Variants in ATP23 observed in about 807,000 individuals in gnomAD.
The protein encoded by ATP23 is ATP23 metallopeptidase and ATP synthase assembly factor homolog, also known as mitochondrial inner membrane protease ATP23 homolog.
Under a neutral mutation model 28.5 loss-of-function variants are expected in ATP23, and 24 were observed. That is an observed-to-expected ratio of 0.84 (90% CI 0.61 to 1.18). The LOEUF (loss-of-function observed/expected upper bound fraction) is 1.18. Ranked by LOEUF, ATP23 falls within the 50% of genes most tolerant of loss-of-function variation. The pLI is 0.00. For synonymous variants in ATP23, 99 were observed against 108.6 expected (o/e 0.91, Z 0.55); for missense variants, 274 against 306.4 (o/e 0.89, Z 0.79).
chr12:57,948,642 A>T (rs1411986376), intron 3 of ATP23, among the ~76,000 whole-genome samples: 1 of 152,180 alleles, frequency 6.6e-6, no homozygotes, highest in East Asian at 1.9e-4. Context: ...AGAGTAAAAC[A>T]TCTATATGTA....
chr12:57,953,558 T>C (rs915115003), intron 4 of ATP23, 48 bp from the exon 5 acceptor site: 41 of 1,503,176 alleles, frequency 2.7e-5, no homozygotes, highest in African/African-American at 4.2e-5. Context: ...CATAAAGATA[T>C]ATAGAGCATG....
At chr12:57,948,501 T>TGA (rs1956783653) in intron 3 of ATP23, among the ~76,000 whole-genome samples, 1 of 152,196 alleles carries the variant, frequency 6.6e-6, no homozygotes. Context: ...CAGGCTGGTC[T>TGA]TGAACCCCTG....
Position 57,951,853 on chromosome 12 carries a change from T to C in ATP23, c.411T>C (p.His137=). Residue 137 remains histidine, a synonymous_variant, in exon 4 of 6, where the codon CAT becomes CAC. Transcript: ENST00000300145. ...LIHAFDHCRA[H]VDWFTNIRHL... ...ATGCATTTGATCATTGTCGTGCCCA[T>C]GTCGACTGGTTCACCAACATCAGAC... The C allele has an allele frequency of 6.2e-7, 1 of 1,614,214 alleles. No homozygotes were observed.
In ATP23 at chr12:57,942,787, A is replaced by G. The variant is rs186318317; in HGVS notation, c.187+899A>G. Among the ~76,000 whole-genome samples the G allele has an allele frequency of 4.5e-3, 681 of 152,198 alleles. 40 individuals carry two copies. In the South Asian group the frequency reaches 0.12, roughly 27 times the overall value. On this transcript the variant is annotated intron_variant, in intron 1 of 5. Transcript: ENST00000300145. ...GCTTCATCATATTCTCAAAGAGGCC[A>G]ACGACCCCACAAAGGTTAAGAACTG...
intron 4 of ATP23, 51 bp downstream of exon 4, chr12:57,951,946 T>C: frequency 6.3e-7 from 1 of 1,597,438 alleles, no homozygotes; most frequent in Non-Finnish European, 8.6e-7. Flanking sequence ...GAATATTTTA[T>C]TCAAGTGTAA....
chr12:57,954,715 G>T (rs113864587), intron 5 of ATP23, among the ~76,000 whole-genome samples: 1,711 of 152,304 alleles, frequency 0.011, 38 homozygotes, highest in African/African-American at 0.039. Context: ...GAGTCAGTTT[G>T]TGAAGTATAT....
intron 2 of ATP23, among the ~76,000 whole-genome samples, chr12:57,946,484 G>A (rs1346463465): frequency 1.8e-5 from 1 of 54,550 alleles, no homozygotes; most frequent in African/African-American, 7.0e-5. Flanking sequence ...ACGTAGTTTT[G>A]CTCTTTTTTT....
chr12:57,954,500 G>T (rs1956846917), intron 5 of ATP23, among the ~76,000 whole-genome samples: 1 of 152,174 alleles, frequency 6.6e-6, no homozygotes, highest in South Asian at 2.1e-4. Flanking sequence ...AGGGATTTGT[G>T]TGAACAAAAC....
intron 5 of ATP23, among the ~76,000 whole-genome samples, chr12:57,955,562 CAG>C (rs1956858818): frequency 6.6e-6 from 1 of 152,254 alleles, no homozygotes; most frequent in African/African-American, 2.4e-5. Flanking sequence ...TTTATTTTAA[CAG>C]AAATTTATTA....
intron 3 of ATP23, among the ~76,000 whole-genome samples, chr12:57,950,356 C>T (rs1033196838): frequency 2.0e-5 from 3 of 152,078 alleles, no homozygotes; most frequent in Non-Finnish European, 1.5e-5. Context: ...CATTTTCTTC[C>T]GTCAACCCTC....
chr12:57,946,157 C>T (rs1451259329), intron 2 of ATP23, among the ~76,000 whole-genome samples: 3 of 152,122 alleles, frequency 2.0e-5, no homozygotes, highest in Non-Finnish European at 2.9e-5. Flanking sequence ...TGAGCCACTG[C>T]GCCAGCCCAG....
chr12:57,952,090 A>G (rs1956821866), intron 4 of ATP23, among the ~76,000 whole-genome samples, 195 bp downstream of exon 4: 1 of 152,186 alleles, frequency 6.6e-6, no homozygotes, highest in East Asian at 1.9e-4. Flanking sequence ...AATTCTCTTA[A>G]CTATATCCTG....
chr12:57,951,768 G>A lies in ATP23; in HGVS notation c.326G>A (p.Cys109Tyr), dbSNP rs1565876420. The change falls in exon 4 of 6, where the codon TGC becomes TAC. Residue 109 changes from cysteine to tyrosine, a missense_variant. Coordinates refer to ENST00000300145, the MANE Select transcript of ATP23 (RefSeq NM_033276.4). ...TTTGGTGTCTCCTAGATAGTTTTGTGCCAGAATAATATCCATAATCAGGCC... is the reference window on the plus strand; with the variant it reads ...TTTGGTGTCTCCTAGATAGTTTTGTACCAGAATAATATCCATAATCAGGCC... ...FDASTSQIVL[C>Y]QNNIHNQAHM... The A allele has an allele frequency of 3.1e-6, 5 of 1,613,830 alleles. No individual in the cohort carries two copies. Among genetic ancestry groups the A allele is most frequent in the Non-Finnish European group, 3.4e-6 (4 of 1,179,924 alleles).
chr12:57,942,501 G>T (rs1382929018), intron 1 of ATP23, among the ~76,000 whole-genome samples: 1 of 150,646 alleles, frequency 6.6e-6, no homozygotes, highest in East Asian at 2.0e-4. Flanking sequence ...TTTGCTCACT[G>T]CAAGCTCCGC....
rs768818241 is a variant in ATP23, at chr12:57,956,740, C to T, written c.591C>T (p.Ser197=). Residue 197 remains serine, a synonymous_variant, in exon 6 of 6, where the codon AGC becomes AGT. Coordinates refer to ENST00000300145, the MANE Select transcript of ATP23 (RefSeq NM_033276.4). Reference sequence around the variant, plus strand: ...CTATCCTGGCTGTTAGGAATATCAGCAAAGAAGTAGCTAAAAAGGCTGTTG... The same window carrying T: ...CTATCCTGGCTGTTAGGAATATCAGTAAAGAAGTAGCTAAAAAGGCTGTTG... The part of the protein sequence containing the change: ...TLSILAVRNI[S]KEVAKKAVDE... 14 of 1,613,914 alleles carry T rather than the reference C, an allele frequency of 8.7e-6. No homozygotes were observed. The highest frequency in any genetic ancestry group is 1.2e-5 in the Non-Finnish European group (14 of 1,179,944).
intron 3 of ATP23, among the ~76,000 whole-genome samples, chr12:57,950,446 T>C (rs1240636350): frequency 2.0e-5 from 3 of 151,796 alleles, no homozygotes; most frequent in African/African-American, 7.3e-5. Flanking sequence ...CTTCTATTCC[T>C]CCATTAGATA....
At chr12:57,951,589 A>G (rs1956814747) in intron 3 of ATP23, among the ~76,000 whole-genome samples, 169 bp from the exon 4 acceptor site, 1 of 152,182 alleles carries the variant, frequency 6.6e-6, no homozygotes, top group South Asian at 2.1e-4. Flanking sequence ...TACACTTAGG[A>G]CTAGGACTTG....
intron 1 of ATP23, among the ~76,000 whole-genome samples, chr12:57,943,888 G>A (rs11172389): frequency 0.27 from 41,111 of 151,790 alleles, 7,054 homozygotes; most frequent in East Asian, 0.67. Flanking sequence ...TGGCTGGGAG[G>A]GTCTTTTGGT....
chr12:57,956,492 T>C (rs1467055902), intron 5 of ATP23, among the ~76,000 whole-genome samples, 195 bp from the exon 6 acceptor site: 1 of 152,174 alleles, frequency 6.6e-6, no homozygotes. Flanking sequence ...GCCTAAATAA[T>C]TTTAGGTTGA....
Sources: allele counts gnomAD v4.1 joint callset (sites outside exome capture counted in the v4.1 genomes callset), GRCh38; gene constraint gnomAD v4.1.1; transcripts MANE v1.5; gene names NCBI Gene and HGNC (gene_info 2026-07-23, HGNC 2026-07-21).